Variants in ZFP1 observed in about 807,000 individuals in gnomAD.
ZFP1 encodes the protein ZFP1 zinc finger protein, also known as zinc finger protein 1 homolog.
ZFP1 carries 32 observed loss-of-function variants against 38.5 expected under a neutral mutation model. The ratio of observed to expected loss-of-function variants is 0.83; its 90% CI spans 0.63 to 1.12. The LOEUF (loss-of-function observed/expected upper bound fraction) is 1.12. ZFP1 is among the 50% of genes most tolerant of loss of function. The probability of loss-of-function intolerance (pLI) is 0.00; values close to 1 mark genes in which losing one functional copy is unlikely to be tolerated. For synonymous variants in ZFP1, 245 were observed against 168.8 expected (o/e 1.45, Z -3.50); for missense variants, 616 against 480.8 (o/e 1.28, Z -2.63).
intron 2 of ZFP1, among the ~76,000 whole-genome samples, chr16:75,155,196 A>T (rs761540728): frequency 6.6e-6 from 1 of 152,220 alleles, no homozygotes; most frequent in Non-Finnish European, 1.5e-5. Flanking sequence ...AGTGATGTGA[A>T]CACGGTTTAC....
chr16:75,164,841 C>T lies in ZFP1; in HGVS notation c.16-1929C>T, dbSNP rs376962225. Among the ~76,000 whole-genome samples the T allele has an allele frequency of 8.3e-4, 125 of 150,570 alleles. 1 individual carries two copies. The highest frequency in any genetic ancestry group is 3.0e-3 in the African/African-American group (122 of 40,950). On this transcript the variant is annotated intron_variant, in intron 2 of 3. Transcript: ENST00000570010. ...TTTTTTTTTGAGGCGGAGTTTCACT[C>T]GTTGCACAGGATGGAGTGCAATGGC...
rs141540238 is a variant in ZFP1 at position 75,169,827 on chromosome 16, T to G, written c.717T>G (p.Pro239=). 1.2e-6 allele frequency: 2 copies of G among 1,613,842 alleles called. No individual in the cohort carries two copies. Among genetic ancestry groups the G allele is most frequent in the African/African-American group, 2.7e-5 (2 of 74,844 alleles). The change falls in exon 4 of 4, where the codon CCT becomes CCG. Residue 239 remains proline (P), a synonymous_variant. Transcript: ENST00000570010. ...KHQRIHTGEK[P]FECPECGKAF... is the part of the protein sequence containing the mutation. Reference sequence around the variant, plus strand: ...AGAGAATTCACACTGGGGAGAAACCTTTCGAGTGTCCGGAATGTGGAAAAG... The same window carrying G: ...AGAGAATTCACACTGGGGAGAAACCGTTCGAGTGTCCGGAATGTGGAAAAG...
At chr16:75,133,149 G>A in the ZFP1 span, among the ~76,000 whole-genome samples, 4 of 148,042 alleles carry the variant, frequency 2.7e-5, no homozygotes. Flanking sequence ...AGCTAATTTT[G>A]TATTTTTAGT....
intron 2 of ZFP1, among the ~76,000 whole-genome samples, chr16:75,159,645 G>T (rs1455821392): frequency 6.6e-6 from 1 of 151,574 alleles, no homozygotes; most frequent in Non-Finnish European, 1.5e-5. Flanking sequence ...GGCTCAATTT[G>T]TCCACCTGCC....
intron 1 of ZFP1, among the ~76,000 whole-genome samples, chr16:75,152,269 A>G (rs1056345200): frequency 9.9e-5 from 15 of 152,080 alleles, no homozygotes; most frequent in African/African-American, 3.6e-4. Flanking sequence ...TTTTTGGAAA[A>G]TTCTTGTCCA....
Position 75,170,527 on chromosome 16 carries a change from A to C in ZFP1, c.*193A>C. On this transcript the variant is annotated 3_prime_UTR_variant, in exon 4 of 4. Coordinates refer to ENST00000570010, the MANE Select transcript of ZFP1 (RefSeq NM_153688.4). ...CATGTGATACCCAGCTAAAGAATAC[A>C]TATCAGAATATATCCAGTTGTAAAT... 1 of 762,884 alleles carries C rather than the reference A, an allele frequency of 1.3e-6. No homozygotes were observed. The highest frequency in any genetic ancestry group is 2.9e-5 in the East Asian group (1 of 34,646). The allele number at this position is 762,884 out of a possible 1,614,324, so 47.3% of individuals were successfully genotyped here.
intron 1 of ZFP1, chr16:75,149,022 A>G (rs2037039309): frequency 6.6e-6 from 1 of 150,762 alleles, no homozygotes; most frequent in South Asian, 2.1e-4. Flanking sequence ...GTGGCCTGAC[A>G]CACCTGGCCA....
At chr16:75,143,655 T>TTA (rs2036911110), upstream of ZFP1, among the ~76,000 whole-genome samples, 3 of 142,684 alleles carry the variant, frequency 2.1e-5, no homozygotes, top group South Asian at 7.0e-4. Flanking sequence ...ATCTTTTTTT[T>TTA]TTTTTTTTTT....
At chr16:75,161,888 G>T (rs937063098) in intron 2 of ZFP1, among the ~76,000 whole-genome samples, 1 of 142,432 alleles carries the variant, frequency 7.0e-6, no homozygotes, top group Non-Finnish European at 1.5e-5. Context: ...AGGTTCAAGC[G>T]ATTCCCCTGC....
rs768654413 is a variant in ZFP1, at chr16:75,170,367, T to G, written c.*33T>G. On this transcript the variant is annotated 3_prime_UTR_variant, in exon 4 of 4. Coordinates refer to ENST00000570010, the MANE Select transcript of ZFP1 (RefSeq NM_153688.4). Reference sequence around the variant, plus strand: ...GCCAGGTCTTACTGTGGAAAACTCCTGCCAGAACTCTTCAAGCGGGTGAAA... The same window carrying G: ...GCCAGGTCTTACTGTGGAAAACTCCGGCCAGAACTCTTCAAGCGGGTGAAA... 3.3e-6 allele frequency: 5 copies of G among 1,527,534 alleles called. No homozygotes were observed. Among genetic ancestry groups the G allele is most frequent in the Non-Finnish European group, 4.4e-6 (5 of 1,138,852 alleles). 94.6% of individuals were successfully genotyped at this position (1,527,534 alleles called of 1,614,324 possible).
At chr16:75,125,195 G>A in the ZFP1 span, among the ~76,000 whole-genome samples, 6 of 151,964 alleles carry the variant, frequency 3.9e-5, no homozygotes, top group African/African-American at 1.2e-4. Context: ...GGAAGCAGTG[G>A]TTACAGTGAG....
At chr16:75,129,947 G>T in the ZFP1 span, among the ~76,000 whole-genome samples, 47,773 of 152,020 alleles carry the variant, frequency 0.31, 7,705 homozygotes, top group Non-Finnish European at 0.34. Context: ...AGGGCCAAGA[G>T]GGCAACTTGA....
chr16:75,146,919 G>A (rs1236444687), upstream of ZFP1, among the ~76,000 whole-genome samples: 1 of 140,994 alleles, frequency 7.1e-6, no homozygotes, highest in Admixed American at 7.3e-5. Flanking sequence ...CAACCTGGGT[G>A]ACAGAGTGAG....
upstream of ZFP1, among the ~76,000 whole-genome samples, chr16:75,143,717 T>A (rs953621129): frequency 6.9e-6 from 1 of 144,772 alleles, no homozygotes; most frequent in Non-Finnish European, 1.5e-5. Flanking sequence ...AGTGGCATGA[T>A]CACAGCTCAC....
chr16:75,139,417 C>T, the ZFP1 span, among the ~76,000 whole-genome samples: 1 of 146,232 alleles, frequency 6.8e-6, no homozygotes, highest in African/African-American at 2.5e-5. Context: ...GCCAGTCGGG[C>T]CTGGGGGCTC....
intron 2 of ZFP1, 108 bp downstream of exon 2, chr16:75,153,074 A>G: frequency 7.0e-7 from 1 of 1,434,886 alleles, no homozygotes; most frequent in Non-Finnish European, 9.5e-7. Context: ...AAGGAAACAT[A>G]GCAAGAATAA....
chr16:75,142,256 A>G, the ZFP1 span, among the ~76,000 whole-genome samples: 1 of 151,118 alleles, frequency 6.6e-6, no homozygotes, highest in African/African-American at 2.4e-5. Context: ...AGTCCCAGCT[A>G]CTCGGGAGGC....
the ZFP1 span, among the ~76,000 whole-genome samples, chr16:75,136,817 G>C: frequency 6.6e-6 from 1 of 152,142 alleles, no homozygotes; most frequent in South Asian, 2.1e-4. Context: ...GCTGCAGTGA[G>C]CTATGGTCGT....
intron 3 of ZFP1, 129 bp from the exon 4 acceptor site, chr16:75,169,124 A>C (rs974010777): frequency 8.2e-7 from 1 of 1,218,242 alleles, no homozygotes; most frequent in African/African-American, 1.5e-5. Context: ...GGAATTTTTT[A>C]ATATTGGGAG....
Sources: gnomAD v4.1 joint callset for allele counts (sites outside exome capture counted in the v4.1 genomes callset) on GRCh38, gnomAD v4.1.1 for gene constraint, MANE v1.5 for transcripts, NCBI Gene and HGNC (gene_info 2026-07-23, HGNC 2026-07-21) for gene names.